Variants in ANK1 observed in about 807,000 individuals in gnomAD.
The protein encoded by ANK1 is ankyrin-1.
In ANK1, 51 loss-of-function variants were observed where a neutral mutation model predicts 210.4. The ratio of observed to expected loss-of-function variants is 0.24; its 90% CI spans 0.19 to 0.31. ANK1 has a LOEUF of 0.31. Among genes scored for constraint, ANK1 ranks in the 10% least tolerant of loss-of-function variants. The pLI is 1.00. For missense variants in ANK1, 2,051 were observed against 2,504.4 expected (o/e 0.82, Z 3.86); for synonymous variants, 967 against 1,025.9 (o/e 0.94, Z 1.10).
intron 18 of ANK1, among the ~76,000 whole-genome samples, chr8:41,705,094 C>T (rs926464249): frequency 1.3e-5 from 2 of 152,212 alleles, no homozygotes; most frequent in African/African-American, 2.4e-5. Context: ...TTGGGACATT[C>T]GCTCATGTGA....
chr8:41,825,689 T>C (rs1179384673), intron 1 of ANK1, among the ~76,000 whole-genome samples: 1 of 152,224 alleles, frequency 6.6e-6, no homozygotes, highest in African/African-American at 2.4e-5. Flanking sequence ...AATCTCATCT[T>C]GAATTGTAGT....
intron 1 of ANK1, among the ~76,000 whole-genome samples, chr8:41,792,454 C>A (rs559360702): frequency 5.5e-4 from 84 of 152,312 alleles, no homozygotes; most frequent in Non-Finnish European, 1.1e-3. Context: ...TCTGGGCAAG[C>A]GAAGGAGAAG....
intron 1 of ANK1, among the ~76,000 whole-genome samples, chr8:41,810,649 G>C (rs1802349446): frequency 6.6e-6 from 1 of 152,218 alleles, no homozygotes; most frequent in Non-Finnish European, 1.5e-5. Flanking sequence ...CGTCCCTGAC[G>C]GGCCTTCCAG....
At position 41,696,717 on chromosome 8, in the gene ANK1, G is replaced by A. The variant is rs747620518; in HGVS notation, c.2694C>T (p.Thr898=). Residue 898 remains threonine (T), a synonymous_variant, in exon 25 of 43, where the codon ACC becomes ACT. Coordinates refer to ENST00000289734, the MANE Select transcript of ANK1 (RefSeq NM_000037.4). ...SLIPSSPATE[T]SDNISPVASP... Reference sequence around the variant, plus strand: ...TGGCCACCGGGCTGATGTTGTCTGAGGTCTCGGTGGCCGGGCTGCTGGGGA... The same window carrying A: ...TGGCCACCGGGCTGATGTTGTCTGAAGTCTCGGTGGCCGGGCTGCTGGGGA... 10 of 1,602,652 alleles carry A rather than the reference G, an allele frequency of 6.2e-6. No individual in the cohort carries two copies. Among genetic ancestry groups the A allele is most frequent in the Non-Finnish European group, 7.6e-6 (9 of 1,179,932 alleles).
At chr8:41,775,103 T>C (rs1843725639) in intron 1 of ANK1, among the ~76,000 whole-genome samples, 3 of 152,120 alleles carry the variant, frequency 2.0e-5, no homozygotes, top group Non-Finnish European at 4.4e-5. Context: ...GTACTGGCAG[T>C]GAACCCCATG....
At chr8:41,723,844 C>T (rs1829995054) in intron 7 of ANK1, among the ~76,000 whole-genome samples, 1 of 149,026 alleles carries the variant, frequency 6.7e-6, no homozygotes. Context: ...GGCTGGAGTG[C>T]AGTGGCGCGA....
intron 1 of ANK1, among the ~76,000 whole-genome samples, chr8:41,778,786 T>G (rs1406257298): frequency 6.6e-6 from 1 of 152,160 alleles, no homozygotes; most frequent in Non-Finnish European, 1.5e-5. Context: ...GAAAATAAAG[T>G]GATGATTTTT....
At chr8:41,656,596 C>T (rs550808000) in intron 42 of ANK1, among the ~76,000 whole-genome samples, 39 of 152,338 alleles carry the variant, frequency 2.6e-4, no homozygotes, top group Admixed American at 2.2e-3. Flanking sequence ...TTTTCAAGAC[C>T]AGCCACTCAT....
At position 41,728,963 on chromosome 8, in the gene ANK1, G is replaced by C. The variant is rs181911442; in HGVS notation, c.229-957C>G. 6.6e-5 allele frequency among the ~76,000 whole-genome samples: 10 copies of C among 152,322 alleles called. No homozygotes were observed. In the East Asian group the frequency reaches 1.7e-3, roughly 26 times the overall value. Reference sequence around the variant, plus strand: ...CCTCTGAGAGGCCTGGGAGCGCCAGGAAAGGAGGCCAGCAGGTCCCTCAGG... The same window carrying C: ...CCTCTGAGAGGCCTGGGAGCGCCAGCAAAGGAGGCCAGCAGGTCCCTCAGG... On this transcript the variant is annotated intron_variant, in intron 3 of 42. Transcript: ENST00000289734.
chr8:41,689,724 G>T (rs1818746628), intron 33 of ANK1, among the ~76,000 whole-genome samples: 1 of 152,164 alleles, frequency 6.6e-6, no homozygotes, highest in Non-Finnish European at 1.5e-5. Context: ...AAAACCCTGG[G>T]TGTTTGCAGT....
intron 1 of ANK1, among the ~76,000 whole-genome samples, chr8:41,887,918 C>T (rs1416952581): frequency 6.6e-6 from 1 of 152,242 alleles, no homozygotes; most frequent in Non-Finnish European, 1.5e-5. Flanking sequence ...GCTCCCTGAG[C>T]CCACCTCCAG....
intron 2 of ANK1, among the ~76,000 whole-genome samples, chr8:41,743,328 G>A (rs1022354268): frequency 1.3e-5 from 2 of 152,194 alleles, no homozygotes; most frequent in African/African-American, 4.8e-5. Flanking sequence ...GGAAGGGAAG[G>A]AGCGACGGCA....
chr8:41,731,713 T>A (rs548078949), intron 3 of ANK1, among the ~76,000 whole-genome samples: 1 of 152,174 alleles, frequency 6.6e-6, no homozygotes, highest in African/African-American at 2.4e-5. Flanking sequence ...CAAAGCCACG[T>A]TGGCTTAGAA....
At chr8:41,667,673 G>C (rs1811002403) in intron 39 of ANK1, among the ~76,000 whole-genome samples, 1 of 152,074 alleles carries the variant, frequency 6.6e-6, no homozygotes, top group Admixed American at 6.5e-5. Context: ...GAGAGGGAGA[G>C]GCCTGGGAAA....
Position 41,693,972 on chromosome 8 carries a change from G to A in ANK1, c.3458C>T (p.Pro1153Leu). 2 of 1,614,130 alleles carry A rather than the reference G, an allele frequency of 1.2e-6. No homozygotes were observed. Among genetic ancestry groups the A allele is most frequent in the South Asian group, 2.2e-5 (2 of 91,080 alleles). Residue 1153 changes from proline (P) to leucine (L), a missense_variant, in exon 29 of 43, where the codon CCT (proline) becomes CTT (leucine). Physicochemically the swap from Pro to Leu is moderately conservative, Grantham distance 98. This residue lies in a region of ANK1 where 1,413 missense variants were observed against 1,707.4 expected (regional missense o/e 0.83). Transcript: ENST00000289734. ...RPIGLRIPLP[P>L]SWTDNPRDSG... ...GTCCCTCGGGTTGTCGGTCCAGGAAGGAGGTAGTGGGATCCGAAGCCCAAT... is the reference window on the plus strand; with the variant it reads ...GTCCCTCGGGTTGTCGGTCCAGGAAAGAGGTAGTGGGATCCGAAGCCCAAT...
chr8:41,728,290 G>C (rs1305574769), intron 3 of ANK1, among the ~76,000 whole-genome samples: 1 of 152,198 alleles, frequency 6.6e-6, no homozygotes, highest in Non-Finnish European at 1.5e-5. Context: ...GGAACTGGAG[G>C]CCAGTAACTT....
At chr8:41,692,349 G>A (rs934133283) in intron 31 of ANK1, among the ~76,000 whole-genome samples, 9 of 152,192 alleles carry the variant, frequency 5.9e-5, no homozygotes, top group African/African-American at 1.9e-4. Context: ...GAGCCACTGC[G>A]CCCGGCATGG....
chr8:41,717,876 C>T (rs949697158), intron 11 of ANK1, among the ~76,000 whole-genome samples, 174 bp from the exon 12 acceptor site: 2 of 152,184 alleles, frequency 1.3e-5, no homozygotes, highest in South Asian at 2.1e-4. Context: ...GTGGGCAAGT[C>T]GTGCCCACTC....
chr8:41,696,431 T>C lies in ANK1; in HGVS notation c.2892A>G (p.Pro964=). The change falls in exon 26 of 43, where the codon CCA becomes CCG. Residue 964 remains proline (P), a synonymous_variant. Coordinates refer to ENST00000289734, the MANE Select transcript of ANK1 (RefSeq NM_000037.4). ...VKPQKLSTPP[P]LAEEEGLASR... ...TGGCCAGGCCCTCCTCCTCGGCCAG[T>C]GGGGGCGGCGTGCTGAGCTTCTGGG... The C allele has an allele frequency of 2.5e-6, 4 of 1,613,132 alleles. No homozygotes were observed. Among genetic ancestry groups the C allele is most frequent in the Middle Eastern group, 1.6e-4 (1 of 6,062 alleles).
Sources: gnomAD v4.1 joint callset for allele counts (sites outside exome capture counted in the v4.1 genomes callset) on GRCh38, gnomAD v4.1.1 for gene constraint, gnomAD v4.1.1 regional missense constraint, MANE v1.5 for transcripts, NCBI Gene and HGNC (gene_info 2026-07-23, HGNC 2026-07-21) for gene names.